Variants in PPP2R2B observed in about 807,000 individuals in gnomAD.
The protein encoded by PPP2R2B is protein phosphatase 2 regulatory subunit Bbeta, also known as serine/threonine-protein phosphatase 2A 55 kDa regulatory subunit B beta isoform.
A neutral mutation model predicts 46.0 loss-of-function variants in PPP2R2B; 5 were observed. That is an observed-to-expected ratio of 0.11 (90% CI 0.06 to 0.23). The LOEUF (loss-of-function observed/expected upper bound fraction) is 0.23. Ranked by LOEUF, PPP2R2B falls within the 10% of genes least tolerant of loss-of-function variation. PPP2R2B has a pLI of 1.00. For missense variants in PPP2R2B, 367 were observed against 575.0 expected (o/e 0.64, Z 3.70); for synonymous variants, 215 against 206.7 (o/e 1.04, Z -0.34).
chr5:147,010,220 TAG>T (rs1441757969), intron 1 of PPP2R2B, among the ~76,000 whole-genome samples: 1 of 152,132 alleles, frequency 6.6e-6, no homozygotes, highest in Non-Finnish European at 1.5e-5. Flanking sequence ...ATGAACTACT[TAG>T]AGTCAGCTAG....
chr5:146,678,619 G>A (rs1183479568), intron 5 of PPP2R2B, among the ~76,000 whole-genome samples: 23 of 143,510 alleles, frequency 1.6e-4, no homozygotes, highest in African/African-American at 5.3e-4. Flanking sequence ...GTTTGCAGAT[G>A]ACATGATTGT....
At chr5:146,725,714 G>A (rs965598793) in intron 2 of PPP2R2B, among the ~76,000 whole-genome samples, 4 of 152,068 alleles carry the variant, frequency 2.6e-5, no homozygotes, top group African/African-American at 9.7e-5. Context: ...CTAAATAACT[G>A]GCCTTCTTTC....
chr5:146,644,008 CT>C (rs1775405266), intron 6 of PPP2R2B, among the ~76,000 whole-genome samples: 1 of 152,088 alleles, frequency 6.6e-6, no homozygotes, highest in Admixed American at 6.6e-5. Context: ...TCCAACAAAA[CT>C]TTACTTACAA....
At chr5:146,684,479 A>G (rs1778367259) in intron 5 of PPP2R2B, among the ~76,000 whole-genome samples, 1 of 152,218 alleles carries the variant, frequency 6.6e-6, no homozygotes, top group Non-Finnish European at 1.5e-5. Flanking sequence ...GCCTCTTTCT[A>G]GCTGTGTGAT....
At chr5:146,702,500 G>C (rs1190978177) in intron 2 of PPP2R2B, among the ~76,000 whole-genome samples, 7 of 152,220 alleles carry the variant, frequency 4.6e-5, no homozygotes, top group Admixed American at 4.6e-4. Context: ...AGGTGAACTA[G>C]AAGGACTATG....
intron 2 of PPP2R2B, among the ~76,000 whole-genome samples, chr5:146,840,627 C>A (rs1261454485): frequency 6.6e-6 from 1 of 152,128 alleles, no homozygotes; most frequent in Non-Finnish European, 1.5e-5. Context: ...AGGCAGACTT[C>A]AAAAAATCAG....
chr5:146,773,532 G>A (rs1455255496), intron 2 of PPP2R2B, among the ~76,000 whole-genome samples: 1 of 152,180 alleles, frequency 6.6e-6, no homozygotes, highest in Admixed American at 6.5e-5. Flanking sequence ...ATTAGCACAT[G>A]CACAAAATAA....
At chr5:146,929,978 T>C (rs1159803445) in intron 1 of PPP2R2B, among the ~76,000 whole-genome samples, 7 of 152,210 alleles carry the variant, frequency 4.6e-5, no homozygotes, top group Non-Finnish European at 1.0e-4. Flanking sequence ...CCAGTTATTA[T>C]CCTTGATTCT....
intron 1 of PPP2R2B, among the ~76,000 whole-genome samples, chr5:147,035,561 G>C (rs1256581069): frequency 6.6e-6 from 1 of 152,184 alleles, no homozygotes; most frequent in Non-Finnish European, 1.5e-5. Flanking sequence ...AAATCAGAAA[G>C]ACTGACTTTG....
At chr5:146,994,598 G>A (rs1461223012) in intron 1 of PPP2R2B, among the ~76,000 whole-genome samples, 1 of 152,122 alleles carries the variant, frequency 6.6e-6, no homozygotes, top group Non-Finnish European at 1.5e-5. Context: ...AGCCACTATA[G>A]TATTTATCCA....
At chr5:146,919,921 C>A (rs1282245002) in intron 1 of PPP2R2B, 1 of 152,080 alleles carries the variant, frequency 6.6e-6, no homozygotes, top group East Asian at 1.9e-4. Context: ...CGTATCATGG[C>A]AGCCACTGAT....
chr5:146,626,232 C>CT (rs1774058240), intron 7 of PPP2R2B, among the ~76,000 whole-genome samples: 1 of 148,924 alleles, frequency 6.7e-6, no homozygotes, highest in Non-Finnish European at 1.5e-5. Context: ...AAACGGGCAG[C>CT]TAATACAGAG....
At chr5:146,592,237 C>CA (rs1286892935) in intron 9 of PPP2R2B, 1 of 379,366 alleles carries the variant, frequency 2.6e-6, no homozygotes, top group African/African-American at 2.2e-5. Flanking sequence ...CAAAGAAAGC[C>CA]AAGAAACAGG....
At chr5:146,663,636 C>T (rs1384515508) in intron 5 of PPP2R2B, among the ~76,000 whole-genome samples, 2 of 152,068 alleles carry the variant, frequency 1.3e-5, no homozygotes, top group Non-Finnish European at 2.9e-5. Context: ...TGTACAATAG[C>T]ATTATGTTTA....
chr5:146,678,778 G>C (rs1255208501), intron 5 of PPP2R2B, among the ~76,000 whole-genome samples: 1 of 136,100 alleles, frequency 7.3e-6, no homozygotes, highest in Non-Finnish European at 1.5e-5. Context: ...AATCATGAGT[G>C]AACTCCCATT....
intron 7 of PPP2R2B, among the ~76,000 whole-genome samples, chr5:146,628,477 G>C (rs1358182423): frequency 6.6e-6 from 1 of 152,186 alleles, no homozygotes; most frequent in Non-Finnish European, 1.5e-5. Context: ...GTGCTGCAGG[G>C]CAGCCCCATC....
intron 5 of PPP2R2B, among the ~76,000 whole-genome samples, chr5:146,674,391 A>G (rs1777573756): frequency 6.6e-6 from 1 of 152,182 alleles, no homozygotes; most frequent in African/African-American, 2.4e-5. Flanking sequence ...TTACACAATA[A>G]GTAGAAATAA....
intron 8 of PPP2R2B, among the ~76,000 whole-genome samples, chr5:146,598,050 C>CCTT (rs911687717): frequency 6.1e-4 from 93 of 152,292 alleles, no homozygotes; most frequent in African/African-American, 2.1e-3. Flanking sequence ...TTTCAGCTAC[C>CCTT]CTTCCATTTC....
intron 1 of PPP2R2B, among the ~76,000 whole-genome samples, chr5:146,949,671 C>T (rs927162624): frequency 6.6e-6 from 1 of 151,930 alleles, no homozygotes; most frequent in Non-Finnish European, 1.5e-5. Context: ...AGGTATATCC[C>T]CAAAGAAAGG....
Sources: gnomAD v4.1 joint callset for allele counts (sites outside exome capture counted in the v4.1 genomes callset) on GRCh38, gnomAD v4.1.1 for gene constraint, MANE v1.5 for transcripts, NCBI Gene and HGNC (gene_info 2026-07-23, HGNC 2026-07-21) for gene names.